The following TRPM3 variants were observed in gnomAD, a reference collection of about 807,000 sequenced individuals.
TRPM3 encodes the protein long transient receptor potential channel 3.
In TRPM3, 77 loss-of-function variants were observed where a neutral mutation model predicts 181.2. The observed-to-expected ratio is 0.42, with a 90% CI of 0.35 to 0.51. The LOEUF (loss-of-function observed/expected upper bound fraction) is 0.51, where lower values mean the gene tolerates loss of function less well. TRPM3 is among the 20% of genes least tolerant of loss of function. The probability of loss-of-function intolerance (pLI) is 0.01; values close to 1 mark genes in which losing one functional copy is unlikely to be tolerated. For synonymous variants in TRPM3, 745 were observed against 796.4 expected, an observed-to-expected ratio of 0.94 and a Z score of 1.09; for missense variants, 1,759 against 2,196.7, an observed-to-expected ratio of 0.80 and a Z score of 3.98.
intron 1 of TRPM3, among the ~76,000 whole-genome samples, chr9:71,067,360 C>T (rs1444699610): frequency 6.6e-6 from 1 of 152,172 alleles, no homozygotes; most frequent in Non-Finnish European, 1.5e-5. Context: ...ATATAACCAT[C>T]TAGTCTTTTG....
intron 1 of TRPM3, among the ~76,000 whole-genome samples, chr9:71,065,165 G>A (rs1172197728): frequency 6.6e-6 from 1 of 152,098 alleles, no homozygotes; most frequent in Non-Finnish European, 1.5e-5. Context: ...ATGCCACAAA[G>A]TTGAGTTTTA....
intron 9 of TRPM3, among the ~76,000 whole-genome samples, chr9:70,668,451 T>A (rs1032434973): frequency 6.6e-6 from 1 of 151,628 alleles, no homozygotes; most frequent in Non-Finnish European, 1.5e-5. Flanking sequence ...GATCACGAGG[T>A]CAGGAGATCG....
At chr9:70,843,225 T>C (rs1052009837) in intron 4 of TRPM3, 98 bp from the exon 5 acceptor site, 1 of 1,275,382 alleles carries the variant, frequency 7.8e-7, no homozygotes, top group Non-Finnish European at 1.1e-6. Flanking sequence ...CGAGGTTAAA[T>C]AAATTGAATA....
At chr9:71,430,806 A>G (rs1449330349) in intron 1 of TRPM3, among the ~76,000 whole-genome samples, 1 of 151,912 alleles carries the variant, frequency 6.6e-6, no homozygotes, top group Non-Finnish European at 1.5e-5. Flanking sequence ...GCGAGACTCC[A>G]TTTTAAAAAA....
intron 1 of TRPM3, among the ~76,000 whole-genome samples, chr9:71,113,286 A>G (rs1330750287): frequency 6.6e-6 from 1 of 152,166 alleles, no homozygotes; most frequent in East Asian, 1.9e-4. Flanking sequence ...ATTTATGAGG[A>G]AATCTGGCAG....
chr9:70,806,651 C>T (rs181997593), intron 6 of TRPM3, among the ~76,000 whole-genome samples: 5 of 151,796 alleles, frequency 3.3e-5, no homozygotes, highest in Admixed American at 3.3e-4. Context: ...GATCATGCCA[C>T]TGCACTCCAG....
intron 19 of TRPM3, among the ~76,000 whole-genome samples, chr9:70,605,450 C>T (rs144182910): frequency 2.0e-5 from 3 of 151,512 alleles, no homozygotes; most frequent in Non-Finnish European, 4.4e-5. Flanking sequence ...CACACCCCCA[C>T]CCCCACCCCC....
In TRPM3 at chr9:71,073,472, T is replaced by C. The variant is rs193180700; in HGVS notation, c.177+47706A>G. Among the ~76,000 whole-genome samples, 4 of 152,326 alleles carry C rather than the reference T, an allele frequency of 2.6e-5. No individual in the cohort carries two copies. The East Asian group carries it at 7.7e-4, about 29-fold the overall frequency. On this transcript the variant is annotated intron_variant, in intron 1 of 25. Transcript: ENST00000677713. ...TTCCAGTTCTGAGCTTGAGAAAGTG[T>C]AGAAGTCTCATCAGTGATTAGTTCC...
chr9:70,746,025 C>T (rs1012716662), intron 8 of TRPM3, among the ~76,000 whole-genome samples: 2 of 152,152 alleles, frequency 1.3e-5, no homozygotes, highest in Non-Finnish European at 2.9e-5. Flanking sequence ...AGGAGCCACA[C>T]ACTGTGCCAA....
chr9:71,194,695 TA>T (rs1392758404), intron 1 of TRPM3, among the ~76,000 whole-genome samples: 1 of 151,890 alleles, frequency 6.6e-6, no homozygotes, highest in East Asian at 1.9e-4. Flanking sequence ...AACTTTACCT[TA>T]AATAATACAC....
intron 1 of TRPM3, among the ~76,000 whole-genome samples, chr9:71,311,525 T>G (rs920177700): frequency 6.6e-6 from 1 of 152,122 alleles, no homozygotes; most frequent in Non-Finnish European, 1.5e-5. Context: ...GACTGTCTTT[T>G]CAACAAATGG....
intron 22 of TRPM3, among the ~76,000 whole-genome samples, chr9:70,582,438 A>AT (rs1442244188): frequency 2.0e-5 from 3 of 152,066 alleles, no homozygotes; most frequent in Non-Finnish European, 4.4e-5. Flanking sequence ...TGCATCAACT[A>AT]TTTTCTGAGC....
At chr9:70,572,357 T>C (rs1436589242) in intron 22 of TRPM3, among the ~76,000 whole-genome samples, 2 of 152,340 alleles carry the variant, frequency 1.3e-5, no homozygotes, top group South Asian at 4.1e-4. Flanking sequence ...TAACCACCTA[T>C]ATTTGCCAAA....
At chr9:70,614,950 C>A (rs2062561101) in intron 18 of TRPM3, among the ~76,000 whole-genome samples, 1 of 152,160 alleles carries the variant, frequency 6.6e-6, no homozygotes, top group South Asian at 2.1e-4. Context: ...TTATACAAAT[C>A]CTCAAACTGA....
chr9:70,628,716 G>A (rs980510264), intron 12 of TRPM3, among the ~76,000 whole-genome samples: 1 of 150,824 alleles, frequency 6.6e-6, no homozygotes, highest in African/African-American at 2.4e-5. Flanking sequence ...CAGCTACTCA[G>A]GAGGCTGAGG....
chr9:70,667,002 T>C (rs538079248), intron 9 of TRPM3, among the ~76,000 whole-genome samples: 218 of 152,286 alleles, frequency 1.4e-3, no homozygotes, highest in African/African-American at 5.1e-3. Flanking sequence ...CTTTTTTTAA[T>C]GGTTAAAACA....
chr9:71,181,627 A>G (rs2077409736), intron 1 of TRPM3, among the ~76,000 whole-genome samples: 1 of 152,130 alleles, frequency 6.6e-6, no homozygotes, highest in African/African-American at 2.4e-5. Context: ...GGTAAATAAT[A>G]TAATTATTAC....
intron 11 of TRPM3, among the ~76,000 whole-genome samples, chr9:70,636,295 A>G (rs2057176105): frequency 6.6e-6 from 1 of 152,156 alleles, no homozygotes; most frequent in South Asian, 2.1e-4. Context: ...GTAAAAAAAA[A>G]AAAAAAATCT....
intron 1 of TRPM3, among the ~76,000 whole-genome samples, chr9:71,219,308 C>T (rs1049345726): frequency 1.1e-4 from 16 of 152,060 alleles, no homozygotes; most frequent in African/African-American, 3.6e-4. Flanking sequence ...GAAACAGCAC[C>T]CATCAGTGTA....
Sources: allele counts gnomAD v4.1 joint callset (sites outside exome capture counted in the v4.1 genomes callset), GRCh38; gene constraint gnomAD v4.1.1; transcripts MANE v1.5; gene names NCBI Gene and HGNC (gene_info 2026-07-23, HGNC 2026-07-21).